EXOC4: variants seen among roughly 807,000 people sequenced by gnomAD.
EXOC4 encodes exocyst complex component 4, also known as SEC8-like 1.
Under a neutral mutation model 107.2 loss-of-function variants are expected in EXOC4, and 71 were observed. The ratio of observed to expected loss-of-function variants is 0.66; its 90% CI spans 0.55 to 0.81. The LOEUF (loss-of-function observed/expected upper bound fraction) is 0.81. Ranked by LOEUF, EXOC4 falls within the 30% of genes least tolerant of loss-of-function variation. The probability of loss-of-function intolerance (pLI) is 0.00; values close to 1 mark genes in which losing one functional copy is unlikely to be tolerated. For missense variants in EXOC4, 1,108 were observed against 1,189.6 expected, an observed-to-expected ratio of 0.93 and a Z score of 1.01; for synonymous variants, 456 against 441.2, an observed-to-expected ratio of 1.03 and a Z score of -0.42.
intron 9 of EXOC4, among the ~76,000 whole-genome samples, chr7:133,623,016 G>A (rs1446704081): frequency 6.6e-6 from 1 of 152,044 alleles, no homozygotes; most frequent in Non-Finnish European, 1.5e-5. Context: ...CTCTATGGTA[G>A]ATAATAATAT....
At chr7:133,437,312 T>C (rs764570121) in intron 7 of EXOC4, among the ~76,000 whole-genome samples, 40 of 152,200 alleles carry the variant, frequency 2.6e-4, no homozygotes, top group Non-Finnish European at 5.1e-4. Flanking sequence ...CTATTATTTA[T>C]GAGAGAAAAA....
At chr7:134,082,985 G>A in the EXOC4 span, among the ~76,000 whole-genome samples, 2 of 152,226 alleles carry the variant, frequency 1.3e-5, no homozygotes, top group Non-Finnish European at 2.9e-5. Flanking sequence ...CAGTGTTACT[G>A]AGGGGACAGG....
At chr7:133,776,148 G>A (rs1319914045) in intron 10 of EXOC4, among the ~76,000 whole-genome samples, 3 of 152,100 alleles carry the variant, frequency 2.0e-5, no homozygotes, top group African/African-American at 7.2e-5. Context: ...GAATAGGTTA[G>A]CAACTTAAAG....
At chr7:133,718,807 T>C (rs1014281749) in intron 10 of EXOC4, among the ~76,000 whole-genome samples, 2 of 152,130 alleles carry the variant, frequency 1.3e-5, no homozygotes, top group Non-Finnish European at 2.9e-5. Flanking sequence ...AAGCGAGTGG[T>C]GAGAACATTT....
intron 7 of EXOC4, among the ~76,000 whole-genome samples, chr7:133,403,186 A>G (rs1563052561): frequency 6.6e-6 from 1 of 152,190 alleles, no homozygotes; most frequent in Non-Finnish European, 1.5e-5. Flanking sequence ...CCCGGCTGCA[A>G]GATCCTAATA....
chr7:133,480,006 T>C (rs762788281), intron 8 of EXOC4, 44 bp from the exon 9 acceptor site: 2 of 1,501,040 alleles, frequency 1.3e-6, no homozygotes, highest in East Asian at 4.5e-5. Context: ...CAGCACTTAA[T>C]TGGTTTACAC....
At chr7:134,100,881 T>C in the EXOC4 span, among the ~76,000 whole-genome samples, 1 of 126,896 alleles carries the variant, frequency 7.9e-6, no homozygotes, top group South Asian at 2.5e-4. Context: ...GAGGTGGAGG[T>C]TGCAGTGAGC....
At chr7:134,088,876 C>T in the EXOC4 span, among the ~76,000 whole-genome samples, 1 of 152,086 alleles carries the variant, frequency 6.6e-6, no homozygotes, top group Non-Finnish European at 1.5e-5. Context: ...TTATATTTGT[C>T]AGTGCTTCTT....
chr7:133,355,652 GACAT>G (rs1293777181), intron 5 of EXOC4, among the ~76,000 whole-genome samples: 4 of 152,042 alleles, frequency 2.6e-5, no homozygotes, highest in African/African-American at 9.7e-5. Flanking sequence ...AGAGGCTTTT[GACAT>G]ATAACATTAC....
chr7:133,348,244 T>C (rs1795830006), intron 5 of EXOC4, among the ~76,000 whole-genome samples: 1 of 152,202 alleles, frequency 6.6e-6, no homozygotes, highest in African/African-American at 2.4e-5. Context: ...AAATAGATAA[T>C]ATAAATTAAT....
intron 10 of EXOC4, among the ~76,000 whole-genome samples, chr7:133,671,741 C>T (rs1294090748): frequency 6.6e-6 from 1 of 152,048 alleles, no homozygotes; most frequent in Non-Finnish European, 1.5e-5. Context: ...GAAGATTTGC[C>T]AGTGGGTTTA....
chr7:133,378,617 T>G (rs1197929361), intron 7 of EXOC4, among the ~76,000 whole-genome samples: 1 of 152,098 alleles, frequency 6.6e-6, no homozygotes, highest in African/African-American at 2.4e-5. Context: ...ATATAATTCA[T>G]GAAGAGGTAT....
chr7:134,089,678 C>G, the EXOC4 span, among the ~76,000 whole-genome samples: 1 of 152,206 alleles, frequency 6.6e-6, no homozygotes, highest in Non-Finnish European at 1.5e-5. Context: ...GTGACCTACA[C>G]AGACTATCTA....
At chr7:133,740,308 A>C (rs1176666567) in intron 10 of EXOC4, among the ~76,000 whole-genome samples, 1 of 152,178 alleles carries the variant, frequency 6.6e-6, no homozygotes, top group Non-Finnish European at 1.5e-5. Flanking sequence ...AGGACCATAA[A>C]ATTCCCAATT....
At position 133,269,113 on chromosome 7, in the gene EXOC4, G is replaced by A. The variant is rs192629472; in HGVS notation, c.87-5869G>A. On this transcript the variant is annotated intron_variant, in intron 1 of 17. Transcript: ENST00000253861. Reference sequence around the variant, plus strand: ...TTTATGCCATTTGTCCTTTGATCATGTCTTTTATTTAGCTCATGCTTTTAA... The same window carrying A: ...TTTATGCCATTTGTCCTTTGATCATATCTTTTATTTAGCTCATGCTTTTAA... Among the ~76,000 whole-genome samples, 12 of 152,272 alleles carry A rather than the reference G, an allele frequency of 7.9e-5. No homozygotes were observed. The East Asian group carries it at 2.3e-3, about 29-fold the overall frequency.
intron 7 of EXOC4, among the ~76,000 whole-genome samples, chr7:133,452,492 C>G (rs982233909): frequency 6.6e-6 from 1 of 150,572 alleles, no homozygotes; most frequent in African/African-American, 2.4e-5. Flanking sequence ...TGCCACAGCA[C>G]AGGCATCAAG....
At chr7:133,563,255 G>T (rs118003013) in intron 9 of EXOC4, among the ~76,000 whole-genome samples, 3 of 152,040 alleles carry the variant, frequency 2.0e-5, no homozygotes, top group African/African-American at 7.2e-5. Flanking sequence ...AATTATTAAA[G>T]TATCCCAAAT....
At chr7:134,027,911 T>G (rs968745790) in intron 17 of EXOC4, among the ~76,000 whole-genome samples, 1 of 152,174 alleles carries the variant, frequency 6.6e-6, no homozygotes, top group Non-Finnish European at 1.5e-5. Context: ...TGGCCACAAA[T>G]GATCCAGATA....
chr7:133,991,096 T>C (rs747668139), intron 14 of EXOC4, among the ~76,000 whole-genome samples: 72 of 152,314 alleles, frequency 4.7e-4, no homozygotes, highest in Non-Finnish European at 8.8e-4. Flanking sequence ...TTGTCTTTTT[T>C]ATAATAGTCA....
Sources: allele counts gnomAD v4.1 joint callset (sites outside exome capture counted in the v4.1 genomes callset), GRCh38; gene constraint gnomAD v4.1.1; transcripts MANE v1.5; gene names NCBI Gene and HGNC (gene_info 2026-07-23, HGNC 2026-07-21).